LRRIQ1: variants seen among roughly 807,000 people sequenced by gnomAD.
LRRIQ1 encodes the protein leucine-rich repeat- and IQ domain-containing protein 1.
LRRIQ1 carries 210 observed loss-of-function variants against 211.9 expected under a neutral mutation model. That is an observed-to-expected ratio of 0.99 (90% confidence interval 0.89 to 1.11). The LOEUF is 1.11. Among genes scored for constraint, LRRIQ1 ranks in the 50% most tolerant of loss-of-function variants. The probability of loss-of-function intolerance (pLI) is 0.00; values close to 1 mark genes in which losing one functional copy is unlikely to be tolerated. For missense variants in LRRIQ1, 2,136 were observed against 1,939.5 expected, an observed-to-expected ratio of 1.10 and a Z score of -1.90; for synonymous variants, 699 against 650.1, an observed-to-expected ratio of 1.08 and a Z score of -1.14.
intron 15 of LRRIQ1, among the ~76,000 whole-genome samples, chr12:85,110,646 A>T (rs941328036): frequency 6.6e-6 from 1 of 152,164 alleles, no homozygotes; most frequent in Non-Finnish European, 1.5e-5. Context: ...GTTTAGTGTG[A>T]CAAGGAGAAA....
At chr12:85,241,843 G>GA (rs1054325416) in intron 26 of LRRIQ1, among the ~76,000 whole-genome samples, 2 of 151,814 alleles carry the variant, frequency 1.3e-5, no homozygotes, top group African/African-American at 4.8e-5. Flanking sequence ...TCTTGTTTAT[G>GA]AAAAAAATGT....
At chr12:85,197,960 TTATA>T (rs1474962444) in intron 24 of LRRIQ1, among the ~76,000 whole-genome samples, 5 of 109,448 alleles carry the variant, frequency 4.6e-5, no homozygotes, top group Non-Finnish European at 8.7e-5. Context: ...TAATTATATA[TTATA>T]TATAAATATA....
At chr12:85,151,502 C>A (rs557743199) in intron 19 of LRRIQ1, among the ~76,000 whole-genome samples, 129 of 151,428 alleles carry the variant, frequency 8.5e-4, no homozygotes, top group South Asian at 7.1e-3. Flanking sequence ...TTTTTTCCCC[C>A]AAAAAATTAC....
At chr12:85,259,822 T>C (rs1270837886) in intron 1 of LRRIQ1, among the ~76,000 whole-genome samples, 1 of 152,096 alleles carries the variant, frequency 6.6e-6, no homozygotes, top group African/African-American at 2.4e-5. Flanking sequence ...ACAAACTGTT[T>C]TTAAAATATA....
At chr12:85,094,495 A>G (rs1444098776) in intron 11 of LRRIQ1, among the ~76,000 whole-genome samples, 1 of 152,110 alleles carries the variant, frequency 6.6e-6, no homozygotes, top group Non-Finnish European at 1.5e-5. Context: ...TACCAATACC[A>G]TGCTATTTTG....
intron 18 of LRRIQ1, among the ~76,000 whole-genome samples, chr12:85,128,902 G>A (rs1888563830): frequency 6.6e-6 from 1 of 152,090 alleles, no homozygotes; most frequent in Admixed American, 6.6e-5. Flanking sequence ...TGGATTTTCT[G>A]CTCAGTGTCT....
chr12:85,169,586 G>A (rs1215506842), intron 24 of LRRIQ1, among the ~76,000 whole-genome samples: 1 of 151,976 alleles, frequency 6.6e-6, no homozygotes, highest in Non-Finnish European at 1.5e-5. Context: ...TCCTCTTTCT[G>A]CCTAAACAGT....
intron 26 of LRRIQ1, among the ~76,000 whole-genome samples, chr12:85,236,065 G>A (rs994813611): frequency 6.6e-6 from 1 of 152,074 alleles, no homozygotes; most frequent in African/African-American, 2.4e-5. Flanking sequence ...TTACTAAATG[G>A]CATTGAAAAA....
chr12:85,174,039 T>G (rs1891560034), intron 24 of LRRIQ1, among the ~76,000 whole-genome samples: 1 of 151,808 alleles, frequency 6.6e-6, no homozygotes, highest in African/African-American at 2.4e-5. Context: ...AGACCCCCAC[T>G]CTAAAAGAAG....
At chr12:85,038,956 C>T (rs760910073) in intron 2 of LRRIQ1, among the ~76,000 whole-genome samples, 3 of 151,282 alleles carry the variant, frequency 2.0e-5, no homozygotes, top group Non-Finnish European at 4.4e-5. Context: ...CCAAATTCTT[C>T]ACATCTTTTT....
intron 3 of LRRIQ1, among the ~76,000 whole-genome samples, chr12:85,042,472 A>AT (rs1374316972): frequency 6.7e-6 from 1 of 148,338 alleles, no homozygotes; most frequent in Admixed American, 6.7e-5. Context: ...TGTTAAAATT[A>AT]TTAAATTTAT....
At position 85,258,176 on chromosome 12, in the gene LRRIQ1, G is replaced by GT. The variant is rs527649990; in HGVS notation, c.122-4730dup. 2.1e-3 allele frequency among the ~76,000 whole-genome samples: 310 copies of GT among 150,816 alleles called. 1 individual carries two copies. The highest frequency in any genetic ancestry group is 3.3e-3 in the African/African-American group (135 of 41,196). ...AGACAAAAAAATGTGTTACTCACATGTTTTTTTTTAAAACATTTTGATTAT... is the reference window on the plus strand; with the variant it reads ...AGACAAAAAAATGTGTTACTCACATGTTTTTTTTTTAAAACATTTTGATTAT... On this transcript the variant is annotated intron_variant, in intron 1 of 1. Coordinates refer to the LRRIQ1 transcript ENST00000602731.
At chr12:85,063,139 T>G (rs777049759) in intron 8 of LRRIQ1, among the ~76,000 whole-genome samples, 1 of 151,794 alleles carries the variant, frequency 6.6e-6, no homozygotes, top group Non-Finnish European at 1.5e-5. Flanking sequence ...TTTTTCCCAT[T>G]CTGTAGGTTG....
At chr12:85,179,099 C>T (rs1349543684) in intron 24 of LRRIQ1, among the ~76,000 whole-genome samples, 2 of 151,844 alleles carry the variant, frequency 1.3e-5, no homozygotes, top group Admixed American at 6.6e-5. Flanking sequence ...CTCTGTCCTT[C>T]CTCTTTTTAT....
At chr12:85,052,727 C>CT (rs1565788387) in intron 7 of LRRIQ1, among the ~76,000 whole-genome samples, 2 of 152,060 alleles carry the variant, frequency 1.3e-5, no homozygotes, top group South Asian at 2.1e-4. Flanking sequence ...AAACATTATC[C>CT]TTTTTTGTAT....
In LRRIQ1 at chr12:85,088,232, G is replaced by T. The variant is rs192820674; in HGVS notation, c.2888-10123G>T. On this transcript the variant is annotated intron_variant, in intron 11 of 26. Transcript: ENST00000393217. ...TTTCCCTATTTCTTGTTTTTGTAAG[G>T]TTTGTCAAAGATCAGATGGTTGTAG... Among the ~76,000 whole-genome samples, 982 of 152,140 alleles carry T rather than the reference G, an allele frequency of 6.5e-3. 5 individuals are homozygous for T. The highest frequency in any genetic ancestry group is 0.022 in the African/African-American group (923 of 41,504).
At chr12:85,094,839 T>C (rs1042356362) in intron 11 of LRRIQ1, among the ~76,000 whole-genome samples, 2 of 152,158 alleles carry the variant, frequency 1.3e-5, no homozygotes, top group Admixed American at 1.3e-4. Flanking sequence ...TGGTTAGATA[T>C]ATTGCTAGGT....
In LRRIQ1 at chr12:85,195,158, A is replaced by C. The variant is rs958479219; in HGVS notation, c.4823-34359A>C. ...AATCTCTGAATAGACCAATAACAGGATCTGAAATTGTGGCAATAATCAATA... is the reference window on the plus strand; with the variant it reads ...AATCTCTGAATAGACCAATAACAGGCTCTGAAATTGTGGCAATAATCAATA... On this transcript the variant is annotated intron_variant, in intron 24 of 26. Transcript: ENST00000393217. Among the ~76,000 whole-genome samples the C allele has an allele frequency of 1.1e-4, 16 of 151,996 alleles. No individual in the cohort carries two copies. In the East Asian group the frequency reaches 1.7e-3, roughly 17 times the overall value.
At chr12:85,071,016 G>T (rs940853183) in intron 10 of LRRIQ1, among the ~76,000 whole-genome samples, 5 of 151,720 alleles carry the variant, frequency 3.3e-5, no homozygotes, top group Non-Finnish European at 7.4e-5. Context: ...AATTTAGTTT[G>T]CTAAATTAAT....
Sources: allele counts gnomAD v4.1 joint callset (sites outside exome capture counted in the v4.1 genomes callset), GRCh38; gene constraint gnomAD v4.1.1; transcripts MANE v1.5; gene names NCBI Gene and HGNC (gene_info 2026-07-23, HGNC 2026-07-21).